Variants in GABRG3 observed in about 807,000 individuals in gnomAD.
GABRG3 encodes the protein gamma-aminobutyric acid receptor subunit gamma-3.
In GABRG3, 25 loss-of-function variants were observed where a neutral mutation model predicts 48.8. The ratio of observed to expected loss-of-function variants is 0.51; its 90% CI spans 0.37 to 0.72. GABRG3 has a LOEUF of 0.72. Among genes scored for constraint, GABRG3 ranks in the 30% least tolerant of loss-of-function variants. The probability of loss-of-function intolerance (pLI) is 0.00; values close to 1 mark genes in which losing one functional copy is unlikely to be tolerated. For synonymous variants in GABRG3, 227 were observed against 217.6 expected, an observed-to-expected ratio of 1.04 and a Z score of -0.38; for missense variants, 394 against 577.9, an observed-to-expected ratio of 0.68 and a Z score of 3.26.
rs1032790416 is a variant in GABRG3 at position 27,202,679 on chromosome 15, C to T, written c.271-124130C>T. Among the ~76,000 whole-genome samples, 7 of 152,200 alleles carry T rather than the reference C, an allele frequency of 4.6e-5. No homozygotes were observed. In the South Asian group the frequency reaches 8.3e-4, roughly 18 times the overall value. On this transcript the variant is annotated intron_variant, in intron 3 of 9. Coordinates refer to ENST00000615808, the MANE Select transcript of GABRG3 (RefSeq NM_033223.5). ...TTGCTTCTTTCAGCATTATTTCTTACGTTAATTGGTCATTTGAGTTCATCT... is the reference window on the plus strand; with the variant it reads ...TTGCTTCTTTCAGCATTATTTCTTATGTTAATTGGTCATTTGAGTTCATCT...
chr15:27,309,302 G>A (rs1595666797), intron 3 of GABRG3, among the ~76,000 whole-genome samples: 1 of 145,700 alleles, frequency 6.9e-6, no homozygotes, highest in East Asian at 2.4e-4. Flanking sequence ...TTTTATATAT[G>A]TGTGTGTGTG....
chr15:27,052,402 AGGTGGTAGAAAAACTT>A (rs1896471388), intron 3 of GABRG3, among the ~76,000 whole-genome samples: 1 of 152,230 alleles, frequency 6.6e-6, no homozygotes, highest in African/African-American at 2.4e-5. Flanking sequence ...CGTGTGGCAC[AGGTGGTAGAAAAACTT>A]GGCATTCTGT....
At chr15:27,094,076 G>A (rs754103840) in intron 3 of GABRG3, among the ~76,000 whole-genome samples, 25 of 152,206 alleles carry the variant, frequency 1.6e-4, no homozygotes, top group Middle Eastern at 3.2e-3. Context: ...GATGCATATA[G>A]TTACCCTTAG....
chr15:27,115,706 T>C (rs1222086043), intron 3 of GABRG3, among the ~76,000 whole-genome samples: 2 of 152,194 alleles, frequency 1.3e-5, no homozygotes, highest in East Asian at 3.9e-4. Flanking sequence ...CTTCATATTA[T>C]CTCAATATAT....
intron 3 of GABRG3, among the ~76,000 whole-genome samples, chr15:27,273,810 A>G (rs1891165646): frequency 6.6e-6 from 1 of 152,172 alleles, no homozygotes; most frequent in Non-Finnish European, 1.5e-5. Flanking sequence ...TATCTGGTAT[A>G]TCTATTATCT....
At chr15:27,148,148 G>T (rs1217405959) in intron 3 of GABRG3, among the ~76,000 whole-genome samples, 1 of 151,824 alleles carries the variant, frequency 6.6e-6, no homozygotes, top group Non-Finnish European at 1.5e-5. Context: ...ACTTCATGGG[G>T]TGGGGGAAGA....
At chr15:27,017,198 G>C (rs1287368461) in intron 2 of GABRG3, among the ~76,000 whole-genome samples, 5 of 152,160 alleles carry the variant, frequency 3.3e-5, no homozygotes, top group Non-Finnish European at 7.3e-5. Context: ...AGCATGGCCA[G>C]AGACTCTAGA....
At chr15:27,527,699 T>C in intron 8 of GABRG3, 70 bp downstream of exon 8, 1 of 1,361,716 alleles carries the variant, frequency 7.3e-7, no homozygotes, top group South Asian at 1.3e-5. Flanking sequence ...TGTACTTAAA[T>C]GCAGTTGTAT....
At chr15:27,350,936 C>T (rs147355300) in intron 5 of GABRG3, among the ~76,000 whole-genome samples, 5 of 145,288 alleles carry the variant, frequency 3.4e-5, no homozygotes, top group African/African-American at 1.0e-4. Context: ...GTGTGTGTAT[C>T]GTGTGTGTAT....
At chr15:27,150,404 T>C (rs1375524424) in intron 3 of GABRG3, among the ~76,000 whole-genome samples, 1 of 152,194 alleles carries the variant, frequency 6.6e-6, no homozygotes, top group Non-Finnish European at 1.5e-5. Flanking sequence ...AAAACAGTAT[T>C]AACATATCTT....
chr15:27,176,612 C>T (rs1356827962), intron 3 of GABRG3, among the ~76,000 whole-genome samples: 1 of 152,106 alleles, frequency 6.6e-6, no homozygotes, highest in African/African-American at 2.4e-5. Flanking sequence ...ATTGACTCTG[C>T]CTTAGAAAGT....
chr15:27,214,068 C>T (rs758564386), intron 3 of GABRG3, among the ~76,000 whole-genome samples: 1 of 152,220 alleles, frequency 6.6e-6, no homozygotes, highest in Non-Finnish European at 1.5e-5. Flanking sequence ...GTGATTGAGT[C>T]TCAGTCTTGC....
intron 3 of GABRG3, among the ~76,000 whole-genome samples, chr15:27,271,159 G>A (rs1017754862): frequency 6.6e-6 from 1 of 152,204 alleles, no homozygotes; most frequent in African/African-American, 2.4e-5. Context: ...ATGCCAGGAG[G>A]TCCTGCAGAC....
At chr15:27,387,176 C>A (rs184466566) in intron 5 of GABRG3, among the ~76,000 whole-genome samples, 147 of 151,796 alleles carry the variant, frequency 9.7e-4, no homozygotes, top group African/African-American at 3.5e-3. Context: ...TGCTTTAAAA[C>A]CCTTGTTAGA....
At chr15:27,477,867 C>G (rs1329600217) in intron 5 of GABRG3, among the ~76,000 whole-genome samples, 1 of 151,968 alleles carries the variant, frequency 6.6e-6, no homozygotes, top group Admixed American at 6.6e-5. Flanking sequence ...GGTGAAACCC[C>G]GTCTCTACCC....
intron 3 of GABRG3, among the ~76,000 whole-genome samples, chr15:27,073,341 C>CTAGT (rs1896858275): frequency 6.6e-6 from 1 of 152,228 alleles, no homozygotes; most frequent in East Asian, 1.9e-4. Context: ...TCCAGGACCT[C>CTAGT]CAGTGAGGTG....
chr15:27,126,521 G>A (rs1348767065), intron 3 of GABRG3, among the ~76,000 whole-genome samples: 2 of 152,148 alleles, frequency 1.3e-5, no homozygotes, highest in Admixed American at 1.3e-4. Flanking sequence ...ACTGTGGTGC[G>A]CCATGGCCAA....
intron 3 of GABRG3, among the ~76,000 whole-genome samples, chr15:27,207,628 G>A (rs563161612): frequency 2.2e-4 from 33 of 152,338 alleles, no homozygotes; most frequent in African/African-American, 7.7e-4. Context: ...TCTCTGCACA[G>A]CACGTGGAAA....
At chr15:27,360,595 C>T (rs976024602) in intron 5 of GABRG3, among the ~76,000 whole-genome samples, 3 of 152,150 alleles carry the variant, frequency 2.0e-5, no homozygotes, top group Non-Finnish European at 2.9e-5. Flanking sequence ...CGAGATGGGC[C>T]GGGATGAGGT....
Sources: gnomAD v4.1 joint callset for allele counts (sites outside exome capture counted in the v4.1 genomes callset) on GRCh38, gnomAD v4.1.1 for gene constraint, MANE v1.5 for transcripts, NCBI Gene and HGNC (gene_info 2026-07-23, HGNC 2026-07-21) for gene names.